Variants in NRG3 observed in about 807,000 individuals in gnomAD.
NRG3 encodes the protein neuregulin 3.
In NRG3, 31 loss-of-function variants were observed where a neutral mutation model predicts 66.9. The observed-to-expected ratio is 0.46, with a 90% CI of 0.35 to 0.63. The LOEUF (loss-of-function observed/expected upper bound fraction) is 0.63. Ranked by LOEUF, NRG3 falls within the 20% of genes least tolerant of loss-of-function variation. The pLI, the probability that NRG3 is intolerant of heterozygous loss-of-function variation, is 0.00. For missense variants in NRG3, 910 were observed against 878.9 expected, an observed-to-expected ratio of 1.04 and a Z score of -0.45; for synonymous variants, 393 against 359.4, an observed-to-expected ratio of 1.09 and a Z score of -1.06.
intron 4 of NRG3, among the ~76,000 whole-genome samples, chr10:82,950,068 C>G (rs1224841679): frequency 6.6e-6 from 1 of 151,966 alleles, no homozygotes; most frequent in Non-Finnish European, 1.5e-5. Flanking sequence ...TTTAAAAATG[C>G]CGACATTCTG....
intron 1 of NRG3, among the ~76,000 whole-genome samples, chr10:82,221,400 A>G (rs1183446689): frequency 2.0e-5 from 3 of 152,210 alleles, no homozygotes; most frequent in Non-Finnish European, 2.9e-5. Context: ...ATTAATGAAC[A>G]GCCTTCCAGC....
chr10:82,453,021 G>C (rs2091095066), intron 2 of NRG3, among the ~76,000 whole-genome samples: 1 of 152,078 alleles, frequency 6.6e-6, no homozygotes, highest in African/African-American at 2.4e-5. Context: ...CTCTAAAAGA[G>C]GAGTATGAAT....
intron 4 of NRG3, among the ~76,000 whole-genome samples, chr10:82,915,944 T>C (rs1336580945): frequency 6.6e-6 from 1 of 152,224 alleles, no homozygotes; most frequent in Non-Finnish European, 1.5e-5. Context: ...TAAAATACTG[T>C]AATATTACAG....
intron 1 of NRG3, among the ~76,000 whole-genome samples, chr10:82,312,240 G>C (rs767903474): frequency 2.6e-5 from 4 of 152,140 alleles, no homozygotes; most frequent in Non-Finnish European, 5.9e-5. Context: ...TAGAGGGAAG[G>C]CTTGATTTAC....
At chr10:82,152,913 C>G (rs1478245787) in intron 1 of NRG3, among the ~76,000 whole-genome samples, 1 of 125,332 alleles carries the variant, frequency 8.0e-6, no homozygotes, top group Non-Finnish European at 1.8e-5. Context: ...TCTCCTTTTT[C>G]TTTTATTACT....
intron 2 of NRG3, among the ~76,000 whole-genome samples, chr10:82,697,000 T>C (rs761437552): frequency 6.6e-6 from 1 of 152,222 alleles, no homozygotes; most frequent in Non-Finnish European, 1.5e-5. Flanking sequence ...TGCTAGTTTG[T>C]TTACACTTGT....
chr10:82,884,105 T>A (rs1334185326), intron 4 of NRG3, among the ~76,000 whole-genome samples: 1 of 152,124 alleles, frequency 6.6e-6, no homozygotes, highest in African/African-American at 2.4e-5. Context: ...ATAAGAGATA[T>A]AAGCAAAATG....
Position 82,358,836 on chromosome 10 carries a change from C to G in NRG3, c.921C>G (p.Ile307Met), listed in dbSNP as rs548776537. The G allele has an allele frequency of 1.1e-5, 17 of 1,614,132 alleles. No individual in the cohort carries two copies. Among genetic ancestry groups the G allele is most frequent in the Non-Finnish European group, 1.3e-5 (15 of 1,180,024 alleles). The change falls in exon 2 of 9, where the codon ATC becomes ATG. Residue 307 changes from isoleucine to methionine, a missense_variant. Physicochemically the swap from Ile to Met is conservative, Grantham distance 10. Coordinates refer to ENST00000372141, the MANE Select transcript of NRG3 (RefSeq NM_001010848.4). Reference sequence around the variant, plus strand: ...TCAATGATGGCGAGTGCTTTGTGATCGAAACCCTGACCGGATCCCATAAAC... The same window carrying G: ...TCAATGATGGCGAGTGCTTTGTGATGGAAACCCTGACCGGATCCCATAAAC... ...YCLNDGECFV[I>M]ETLTGSHKHC...
At chr10:82,491,522 G>A (rs143573167) in intron 2 of NRG3, among the ~76,000 whole-genome samples, 7 of 151,642 alleles carry the variant, frequency 4.6e-5, no homozygotes, top group Admixed American at 4.6e-4. Flanking sequence ...GATAATAAAA[G>A]TAAGTATATT....
At chr10:82,537,773 A>G (rs2043260758) in intron 2 of NRG3, among the ~76,000 whole-genome samples, 1 of 152,142 alleles carries the variant, frequency 6.6e-6, no homozygotes, top group South Asian at 2.1e-4. Flanking sequence ...ATGGCTTTGG[A>G]CAAATAGATT....
At chr10:82,732,201 A>G (rs1162103676) in intron 2 of NRG3, among the ~76,000 whole-genome samples, 2 of 152,170 alleles carry the variant, frequency 1.3e-5, no homozygotes, top group Non-Finnish European at 2.9e-5. Context: ...AAGTCTTCTT[A>G]CCCATAGTTG....
chr10:82,835,643 C>T (rs2062735766), intron 3 of NRG3, among the ~76,000 whole-genome samples: 2 of 152,070 alleles, frequency 1.3e-5, no homozygotes, highest in African/African-American at 4.8e-5. Flanking sequence ...ATTTCATGAC[C>T]CTCCATCTTG....
chr10:82,922,402 G>A (rs1340310563), intron 4 of NRG3, among the ~76,000 whole-genome samples: 2 of 152,132 alleles, frequency 1.3e-5, no homozygotes, highest in African/African-American at 4.8e-5. Context: ...CTTTTTTGGT[G>A]CCTTTTAGGA....
intron 1 of NRG3, among the ~76,000 whole-genome samples, chr10:82,346,652 C>T (rs956362816): frequency 7.3e-5 from 11 of 151,016 alleles, no homozygotes; most frequent in Admixed American, 2.6e-4. Context: ...ACCAGTTCCT[C>T]CTTGTACCTC....
intron 2 of NRG3, among the ~76,000 whole-genome samples, chr10:82,624,320 G>T (rs957345428): frequency 7.9e-5 from 12 of 152,092 alleles, no homozygotes; most frequent in Middle Eastern, 3.2e-3. Context: ...TGTAACTCAT[G>T]GTTGAAACAA....
At position 82,986,050 on chromosome 10, in the gene NRG3, A is replaced by G. The variant is rs1853413094; in HGVS notation, c.*445A>G. ...CCAAGCCCTAAATTTCTATTCACCC[A>G]ATAGCCTCATCACAGGTTATGTCAT... On this transcript the variant is annotated 3_prime_UTR_variant, in exon 9 of 9. Transcript: ENST00000372141. 1.8e-5 allele frequency: 3 copies of G among 163,348 alleles called. No individual in the cohort carries two copies. The highest frequency in any genetic ancestry group is 1.7e-4 in the Admixed American group (3 of 17,292). The allele number at this position is 163,348 out of a possible 1,614,324, so 10.1% of individuals were successfully genotyped here.
At chr10:82,235,306 A>G (rs1019239302) in intron 1 of NRG3, among the ~76,000 whole-genome samples, 3 of 152,218 alleles carry the variant, frequency 2.0e-5, no homozygotes, top group Non-Finnish European at 2.9e-5. Context: ...ATAACTTACT[A>G]TCTGCCCCTT....
intron 1 of NRG3, among the ~76,000 whole-genome samples, chr10:82,254,143 A>C (rs1045831924): frequency 2.0e-5 from 3 of 152,158 alleles, no homozygotes; most frequent in Non-Finnish European, 2.9e-5. Context: ...GAATATTTAC[A>C]TATGTACTTA....
chr10:81,923,679 C>T (rs1426668661), intron 1 of NRG3, among the ~76,000 whole-genome samples: 1 of 152,060 alleles, frequency 6.6e-6, no homozygotes, highest in Non-Finnish European at 1.5e-5. Context: ...CAGTGTCCAT[C>T]TTCTCCAAGA....
Sources: allele counts gnomAD v4.1 joint callset (sites outside exome capture counted in the v4.1 genomes callset), GRCh38; gene constraint gnomAD v4.1.1; transcripts MANE v1.5; gene names NCBI Gene and HGNC (gene_info 2026-07-23, HGNC 2026-07-21).